LAMB4: variants seen among roughly 807,000 people sequenced by gnomAD.
LAMB4 encodes the protein laminin subunit beta 4.
In LAMB4, 196 loss-of-function variants were observed where a neutral mutation model predicts 199.2. The observed-to-expected ratio is 0.98, with a 90% CI of 0.88 to 1.11. The LOEUF (loss-of-function observed/expected upper bound fraction) is 1.11, where lower values mean the gene tolerates loss of function less well. Among genes scored for constraint, LAMB4 ranks in the 50% least tolerant of loss-of-function variants. The probability of loss-of-function intolerance (pLI) is 0.00; values close to 1 mark genes in which losing one functional copy is unlikely to be tolerated. For missense variants in LAMB4, 2,080 were observed against 2,171.2 expected (o/e 0.96, Z 0.83); for synonymous variants, 744 against 770.6 (o/e 0.97, Z 0.57).
At position 108,063,885 on chromosome 7, in the gene LAMB4, G is replaced by A. The variant is rs538631774; in HGVS notation, c.2937C>T (p.Thr979=). 168 of 1,614,120 alleles carry A rather than the reference G, an allele frequency of 1.0e-4. No homozygotes were observed. In the South Asian group the frequency reaches 1.7e-3, roughly 16 times the overall value. ...TTACCCGGCTGCAGGACTCTGGATC[G>A]GTTACATCTATGTTGTTGTTGCAGG... ...PCACNNNIDV[T]DPESCSRVTG... is the part of the protein sequence containing the mutation. Residue 979 remains threonine, a synonymous_variant, in exon 22 of 34, where the codon ACC becomes ACT. Transcript: ENST00000388781.
At chr7:108,047,717 C>T (rs1187718289) in intron 28 of LAMB4, among the ~76,000 whole-genome samples, 191 bp downstream of exon 28, 1 of 152,050 alleles carries the variant, frequency 6.6e-6, no homozygotes, top group Admixed American at 6.6e-5. Flanking sequence ...GGAAATATAT[C>T]AATATTAACC....
At chr7:108,047,521 A>G (rs1422424122) in intron 28 of LAMB4, among the ~76,000 whole-genome samples, 2 of 152,200 alleles carry the variant, frequency 1.3e-5, no homozygotes, top group Admixed American at 1.3e-4. Flanking sequence ...GATATATAAT[A>G]CATACATAAA....
chr7:108,127,189 G>GTTTT (rs758228106), intron 1 of LAMB4, among the ~76,000 whole-genome samples: 5 of 69,100 alleles, frequency 7.2e-5, no homozygotes, highest in African/African-American at 9.6e-5. Context: ...TTTTTTTTGT[G>GTTTT]TTTTTTTTTT....
intron 29 of LAMB4, among the ~76,000 whole-genome samples, chr7:108,040,855 G>A (rs2035399111): frequency 6.6e-6 from 1 of 152,134 alleles, no homozygotes. Flanking sequence ...CATGGGCAAA[G>A]ATTTCATGAT....
At chr7:108,072,561 G>A (rs760206496) in intron 17 of LAMB4, among the ~76,000 whole-genome samples, 1 of 152,110 alleles carries the variant, frequency 6.6e-6, no homozygotes, top group Non-Finnish European at 1.5e-5. Context: ...GGTCAGATGA[G>A]GCTGAGAACC....
chr7:108,102,059 T>C (rs1019543110), intron 10 of LAMB4, among the ~76,000 whole-genome samples: 15 of 152,190 alleles, frequency 9.9e-5, no homozygotes, highest in Non-Finnish European at 2.2e-4. Context: ...ATTTAATCAA[T>C]TTGAAGTCCA....
chr7:108,103,773 T>C (rs948042664), intron 9 of LAMB4, among the ~76,000 whole-genome samples: 7 of 152,184 alleles, frequency 4.6e-5, no homozygotes, highest in African/African-American at 1.7e-4. Flanking sequence ...GTCTTCATGA[T>C]AATGTCTACA....
At chr7:108,103,275 G>A (rs755404618) in intron 9 of LAMB4, 43 bp from the exon 10 acceptor site, 3 of 1,482,802 alleles carry the variant, frequency 2.0e-6, no homozygotes, top group African/African-American at 2.8e-5. Context: ...CTAAGGCCTC[G>A]GGTGGCACAG....
intron 19 of LAMB4, among the ~76,000 whole-genome samples, chr7:108,067,136 C>T (rs949224336): frequency 3.3e-5 from 5 of 151,806 alleles, no homozygotes; most frequent in African/African-American, 1.2e-4. Context: ...GATAGGGTGG[C>T]GCATGGAAGA....
intron 11 of LAMB4, among the ~76,000 whole-genome samples, chr7:108,095,561 G>A (rs1317546435): frequency 6.6e-6 from 1 of 152,154 alleles, no homozygotes; most frequent in East Asian, 1.9e-4. Flanking sequence ...TTTACTGGAT[G>A]GCAATTAGGA....
intron 12 of LAMB4, 40 bp downstream of exon 12, chr7:108,095,188 G>T (rs1360547665): frequency 1.4e-6 from 2 of 1,437,826 alleles, no homozygotes; most frequent in East Asian, 2.3e-5. Context: ...ATAGAAATCT[G>T]TATCACTATA....
intron 9 of LAMB4, 120 bp downstream of exon 9, chr7:108,104,379 A>T: frequency 8.7e-7 from 1 of 1,144,118 alleles, no homozygotes; most frequent in Non-Finnish European, 1.2e-6. Context: ...ACACTATAGG[A>T]GCTGGGAGGA....
Position 108,052,080 on chromosome 7 carries a change from A to C in LAMB4, c.3916+17T>G. The stretch of plus-strand genomic sequence containing the variant: ...AAACTTTGTGCAGACACAGTCAAAA[A>C]TACATTTTTCCCTTACCCGCAATGC... On this transcript the variant is annotated intron_variant, in intron 26 of 33. Coordinates refer to ENST00000388781, the MANE Select transcript of LAMB4 (RefSeq NM_007356.3). 5 of 1,593,154 alleles carry C rather than the reference A, an allele frequency of 3.1e-6. No homozygotes were observed. Among genetic ancestry groups the C allele is most frequent in the Non-Finnish European group, 4.3e-6 (5 of 1,168,270 alleles).
At position 108,124,490 on chromosome 7, in the gene LAMB4, A is replaced by T. The variant is rs116814042; in HGVS notation, c.-33-1293T>A. Among the ~76,000 whole-genome samples, 1,003 of 152,286 alleles carry T rather than the reference A, an allele frequency of 6.6e-3. 12 individuals carry two copies. Among genetic ancestry groups the T allele is most frequent in the African/African-American group, 0.023 (965 of 41,552 alleles). ...TATATATACACATACACACACATGC[A>T]TATATACAAATATACATATGTATAT... On this transcript the variant is annotated intron_variant, in intron 1 of 33. Coordinates refer to ENST00000388781, the MANE Select transcript of LAMB4 (RefSeq NM_007356.3).
At chr7:108,125,081 T>C (rs571522348) in intron 1 of LAMB4, among the ~76,000 whole-genome samples, 1 of 152,236 alleles carries the variant, frequency 6.6e-6, no homozygotes. Context: ...CCTCCCATAG[T>C]AGCTCCATCA....
In LAMB4 at chr7:108,052,084, A is replaced by C; in HGVS notation, c.3916+13T>G. ...TTTGTGCAGACACAGTCAAAAATAC[A>C]TTTTTCCCTTACCCGCAATGCTTGC... On this transcript the variant is annotated intron_variant, in intron 26 of 33. Coordinates refer to ENST00000388781, the MANE Select transcript of LAMB4 (RefSeq NM_007356.3). 1 of 1,595,132 alleles carries C rather than the reference A, an allele frequency of 6.3e-7. No individual in the cohort carries two copies. The highest frequency in any genetic ancestry group is 8.5e-7 in the Non-Finnish European group (1 of 1,169,594).
At chr7:108,066,979 G>T (rs2036367341) in intron 19 of LAMB4, among the ~76,000 whole-genome samples, 1 of 151,440 alleles carries the variant, frequency 6.6e-6, no homozygotes, top group Admixed American at 6.6e-5. Context: ...ATAATCTCTA[G>T]ATTATAAACC....
intron 2 of LAMB4, among the ~76,000 whole-genome samples, chr7:108,122,522 G>C (rs968662689): frequency 6.6e-6 from 1 of 152,178 alleles, no homozygotes. Context: ...AGATTCTGAA[G>C]GTTTGTTGTC....
the LAMB4 span, among the ~76,000 whole-genome samples, chr7:108,014,463 T>G: frequency 1.3e-5 from 2 of 151,284 alleles, no homozygotes; most frequent in Non-Finnish European, 3.0e-5. Context: ...GAGAAAGTTG[T>G]TTTTTTTTCC....
Sources: allele counts gnomAD v4.1 joint callset (sites outside exome capture counted in the v4.1 genomes callset), GRCh38; gene constraint gnomAD v4.1.1; transcripts MANE v1.5; gene names NCBI Gene and HGNC (gene_info 2026-07-23, HGNC 2026-07-21).